The following ABCB10 variants were observed in gnomAD, a reference collection of about 807,000 sequenced individuals.
The protein encoded by ABCB10 is ATP-binding cassette sub-family B member 10, mitochondrial.
A neutral mutation model predicts 65.4 loss-of-function variants in ABCB10; 54 were observed. That is an observed-to-expected ratio of 0.83 (90% CI 0.66 to 1.04). The LOEUF (loss-of-function observed/expected upper bound fraction) is 1.04. ABCB10 is among the 50% of genes least tolerant of loss of function. The probability of loss-of-function intolerance (pLI) is 0.00; values close to 1 mark genes in which losing one functional copy is unlikely to be tolerated. For synonymous variants in ABCB10, 418 were observed against 406.5 expected (o/e 1.03, Z -0.34); for missense variants, 846 against 976.6 (o/e 0.87, Z 1.78).
Position 229,539,556 on chromosome 1 carries a change from G to C in ABCB10, c.1239C>G (p.Val413=). 1 of 1,614,036 alleles carries C rather than the reference G, an allele frequency of 6.2e-7. No individual in the cohort carries two copies. Among genetic ancestry groups the C allele is most frequent in the South Asian group, 1.1e-5 (1 of 91,058 alleles). The change falls in exon 6 of 13, where the codon GTC becomes GTG. Residue 413 remains valine (V), a synonymous_variant. Coordinates refer to ENST00000344517, the MANE Select transcript of ABCB10 (RefSeq NM_012089.3). The part of the protein sequence containing the change: ...GLSGNLIVLS[V]LYKGGLLMGS... ...CCATCAGCAGCCCTCCTTTGTACAG[G>C]ACAGAAAGCACGATCAGGTTTCCGG...
chr1:229,544,017 A>AT lies in ABCB10; in HGVS notation c.922-1647_922-1646insA, dbSNP rs1266393106. Among the ~76,000 whole-genome samples the AT allele has an allele frequency of 9.9e-5, 15 of 152,274 alleles. No homozygotes were observed. The South Asian group carries it at 2.7e-3, about 27-fold the overall frequency. ...GCACAGTCCATCAAGATTCTCCTAG[A>AT]ACTGTCCAGAACCACCCCCCTCCCT... is the stretch of plus-strand genomic sequence containing the variant. On this transcript the variant is annotated intron_variant, in intron 3 of 12. Coordinates refer to ENST00000344517, the MANE Select transcript of ABCB10 (RefSeq NM_012089.3).
chr1:229,558,208 G>C lies in ABCB10; in HGVS notation c.445C>G (p.Pro149Ala). Residue 149 changes from proline to alanine, a missense_variant, in exon 1 of 13, where the codon CCC (proline) becomes GCC (alanine). Physicochemically the swap from Pro to Ala is conservative, Grantham distance 27. Coordinates refer to ENST00000344517, the MANE Select transcript of ABCB10 (RefSeq NM_012089.3). Reference sequence around the variant, plus strand: ...GCCTCCGGGAGTCCGGCCGCTGCGGGGCGCAGCCGCCCCTTGTCCCCGGGA... The same window carrying C: ...GCCTCCGGGAGTCCGGCCGCTGCGGCGCGCAGCCGCCCCTTGTCCCCGGGA... ...APPGDKGRLR[P>A]AAAGLPEARK... is the part of the protein sequence containing the mutation. 1 of 1,416,796 alleles carries C rather than the reference G, an allele frequency of 7.1e-7. No individual in the cohort carries two copies. Among genetic ancestry groups the C allele is most frequent in the Non-Finnish European group, 9.2e-7 (1 of 1,087,476 alleles). The allele number at this position is 1,416,796 out of a possible 1,614,324, so 87.8% of individuals were successfully genotyped here.
chr1:229,542,413 G>A, intron 3 of ABCB10, 42 bp from the exon 4 acceptor site: 1 of 1,595,950 alleles, frequency 6.3e-7, no homozygotes. Flanking sequence ...TTGTTACATT[G>A]GGTGGCAAGA....
chr1:229,539,133 C>T (rs943101408), intron 6 of ABCB10, among the ~76,000 whole-genome samples: 2 of 152,264 alleles, frequency 1.3e-5, no homozygotes, highest in African/African-American at 4.8e-5. Flanking sequence ...TTGCTCAGCG[C>T]CGCCCTCCTC....
intron 4 of ABCB10, 145 bp from the exon 5 acceptor site, chr1:229,540,897 C>T: frequency 1.1e-6 from 1 of 935,048 alleles, no homozygotes; most frequent in Non-Finnish European, 1.5e-6. Flanking sequence ...GAGAACTCCA[C>T]AAAAGACACT....
Position 229,549,287 on chromosome 1 carries a change from A to T in ABCB10, c.665T>A (p.Phe222Tyr). Residue 222 changes from phenylalanine (F) to tyrosine (Y), a missense_variant, in exon 2 of 13, where the codon TTT (phenylalanine) becomes TAT (tyrosine). This residue lies in a region of ABCB10 where 632 missense variants were observed against 803.2 expected (regional missense o/e 0.79). Transcript: ENST00000344517. The stretch of plus-strand genomic sequence containing the variant: ...GGCATTGGCGGCAGCACCACACAGA[A>T]ACACGGCACTGAGCCCTAGGCAGAG... ...TRLCLGLSAVFLCGAAANAIR... is the reference protein window; with the variant it reads ...TRLCLGLSAVYLCGAAANAIR... The T allele has an allele frequency of 6.2e-7, 1 of 1,614,138 alleles. No individual in the cohort carries two copies. The highest frequency in any genetic ancestry group is 8.5e-7 in the Non-Finnish European group (1 of 1,180,032).
chr1:229,542,897 G>A (rs576593125), intron 3 of ABCB10, among the ~76,000 whole-genome samples: 7 of 152,128 alleles, frequency 4.6e-5, no homozygotes, highest in Admixed American at 2.6e-4. Context: ...TTGGGAGGCC[G>A]AGGCGGGCAG....
intron 7 of ABCB10, among the ~76,000 whole-genome samples, chr1:229,531,154 A>G (rs1662574920): frequency 6.6e-6 from 1 of 152,188 alleles, no homozygotes; most frequent in African/African-American, 2.4e-5. Flanking sequence ...CTGATAAGGA[A>G]GGAGATGGCT....
intron 1 of ABCB10, among the ~76,000 whole-genome samples, chr1:229,555,611 T>C (rs1268093203): frequency 6.6e-6 from 1 of 152,230 alleles, no homozygotes; most frequent in Non-Finnish European, 1.5e-5. Flanking sequence ...CAGATGGAGG[T>C]ATTATTATTA....
chr1:229,538,840 G>C (rs543251896), intron 6 of ABCB10, among the ~76,000 whole-genome samples: 1 of 152,200 alleles, frequency 6.6e-6, no homozygotes, highest in East Asian at 1.9e-4. Context: ...GATTTTCAAA[G>C]ACAAGAAGGG....
chr1:229,526,779 T>C (rs1373009467), intron 9 of ABCB10, among the ~76,000 whole-genome samples: 1 of 152,230 alleles, frequency 6.6e-6, no homozygotes, highest in Non-Finnish European at 1.5e-5. Flanking sequence ...CCACATTACA[T>C]TAACACTCTG....
chr1:229,558,250 G>A lies in ABCB10; in HGVS notation c.403C>T (p.Arg135Cys). 8 of 1,326,924 alleles carry A rather than the reference G, an allele frequency of 6.0e-6. No individual in the cohort carries two copies. Among genetic ancestry groups the A allele is most frequent in the Non-Finnish European group, 7.7e-6 (8 of 1,042,038 alleles). The allele number at this position is 1,326,924 out of a possible 1,614,324, so 82.2% of individuals were successfully genotyped here. A position where few individuals can be genotyped will look rare whatever the true frequency, so the allele number is the denominator to read the frequency against. Reference sequence around the variant, plus strand: ...TCCCCGGGAGGCGCCGCCGGCCCGCGCCGCCAGGCCTCGTCCCCTGCCCAG... The same window carrying A: ...TCCCCGGGAGGCGCCGCCGGCCCGCACCGCCAGGCCTCGTCCCCTGCCCAG... ...AAWAGDEAWR[R>C]GPAAPPGDKG... Residue 135 changes from arginine to cysteine, a missense_variant, in exon 1 of 13, where the codon CGC (arginine) becomes TGC (cysteine). Physicochemically the swap from Arg to Cys is radical, Grantham distance 180 (BLOSUM62 -3). This residue lies in a region of ABCB10 where 632 missense variants were observed against 803.2 expected (regional missense o/e 0.79). Transcript: ENST00000344517.
In ABCB10 at chr1:229,516,728, C is replaced by A. The variant is rs186975010; in HGVS notation, c.*1451G>T. The A allele has an allele frequency of 6.6e-6, 1 of 152,104 alleles. No homozygotes were observed. Among genetic ancestry groups the A allele is most frequent in the East Asian group, 1.9e-4 (1 of 5,200 alleles). 9.4% of individuals were successfully genotyped at this position (152,104 alleles called of 1,614,324 possible). On this transcript the variant is annotated 3_prime_UTR_variant, in exon 13 of 13. Coordinates refer to ENST00000344517, the MANE Select transcript of ABCB10 (RefSeq NM_012089.3). ...CAAGGATTATTTTCCTCAGATTCAA[C>A]CTTGTAATTGTGTTGTTTGCTTTCT...
At position 229,530,193 on chromosome 1, in the gene ABCB10, GCTT is replaced by G. The variant is rs1662546556; in HGVS notation, c.1645+3_1645+5del. On this transcript the variant is annotated splice_donor_5th_base_variant and intron_variant, in intron 8 of 12. Transcript: ENST00000344517. ...CCTCGGTGCTACAGTGTGGTGAACT[GCTT>G]ACCAGAAGCAGGGTCGTACAACCTC... The G allele has an allele frequency of 8.1e-6, 13 of 1,613,372 alleles. No homozygotes were observed. The highest frequency in any genetic ancestry group is 1.3e-5 in the African/African-American group (1 of 74,920).
chr1:229,533,476 G>C (rs534377521), intron 6 of ABCB10, among the ~76,000 whole-genome samples: 1 of 152,232 alleles, frequency 6.6e-6, no homozygotes, highest in Admixed American at 6.5e-5. Flanking sequence ...TCAAATGTGA[G>C]GACATACATT....
Position 229,558,305 on chromosome 1 carries a change from G to T in ABCB10, c.348C>A (p.Ala116=). 8.1e-7 allele frequency: 1 copy of T among 1,235,666 alleles called. No homozygotes were observed. Among genetic ancestry groups the T allele is most frequent in the Non-Finnish European group, 1.0e-6 (1 of 988,240 alleles). 76.5% of individuals were successfully genotyped at this position (1,235,666 alleles called of 1,614,324 possible). ...AGPGAPRLPR[A]RFPGGPAAAA... ...CGGCTGCGGGACCGCCCGGGAACCG[G>T]GCGCGCGGGAGCCGAGGAGCGCCTG... Residue 116 remains alanine (A), a synonymous_variant, in exon 1 of 13, where the codon GCC becomes GCA. Coordinates refer to ENST00000344517, the MANE Select transcript of ABCB10 (RefSeq NM_012089.3).
chr1:229,550,525 C>CAAA lies in ABCB10; in HGVS notation c.518-1094_518-1092dup, dbSNP rs60323914. Among the ~76,000 whole-genome samples the CAAA allele has an allele frequency of 6.0e-4, 38 of 63,514 alleles. 1 individual carries two copies. Among genetic ancestry groups the CAAA allele is most frequent in the East Asian group, 2.2e-3 (5 of 2,324 alleles). The allele number at this position is 63,514 out of a possible 152,430, so 41.7% of individuals were successfully genotyped here. On this transcript the variant is annotated intron_variant, in intron 1 of 12. Coordinates refer to ENST00000344517, the MANE Select transcript of ABCB10 (RefSeq NM_012089.3). The stretch of plus-strand genomic sequence containing the variant: ...GGGTGACACAGCAATATGCTGTCTC[C>CAAA]AAAAAAAAAAAAAAAAAAAAAAATT...
intron 8 of ABCB10, among the ~76,000 whole-genome samples, chr1:229,528,285 T>C (rs1662490452): frequency 6.6e-6 from 1 of 152,166 alleles, no homozygotes; most frequent in Admixed American, 6.5e-5. Context: ...CTCAGTATTT[T>C]TACTTGAATT....
At chr1:229,529,806 G>A (rs555676962) in intron 8 of ABCB10, among the ~76,000 whole-genome samples, 16 of 151,882 alleles carry the variant, frequency 1.1e-4, no homozygotes, top group Non-Finnish European at 2.1e-4. Context: ...CCCAGCACGC[G>A]CACTGGCACA....
Sources: gnomAD v4.1 joint callset for allele counts (sites outside exome capture counted in the v4.1 genomes callset) on GRCh38, gnomAD v4.1.1 for gene constraint, gnomAD v4.1.1 regional missense constraint, MANE v1.5 for transcripts, NCBI Gene and HGNC (gene_info 2026-07-23, HGNC 2026-07-21) for gene names.